The following AP2A2 variants were observed in gnomAD, a reference collection of about 807,000 sequenced individuals.
The protein encoded by AP2A2 is AP-2 complex subunit alpha-2.
AP2A2 carries 32 observed loss-of-function variants against 104.2 expected under a neutral mutation model. The observed-to-expected ratio is 0.31, with a 90% CI of 0.23 to 0.41. The LOEUF (loss-of-function observed/expected upper bound fraction) is 0.41. Ranked by LOEUF, AP2A2 falls within the 10% of genes least tolerant of loss-of-function variation. AP2A2 has a pLI of 1.00. For missense variants in AP2A2, 912 were observed against 1,261.0 expected (o/e 0.72, Z 4.19); for synonymous variants, 539 against 533.3 (o/e 1.01, Z -0.15).
chr11:932,609 G>T (rs1220336767), intron 1 of AP2A2: 1 of 441,292 alleles, frequency 2.3e-6, no homozygotes, highest in African/African-American at 2.0e-5. Context: ...GCATGCTTCT[G>T]CATAATGTGT....
chr11:979,255 A>G (rs1440232830), intron 5 of AP2A2, among the ~76,000 whole-genome samples: 1 of 149,912 alleles, frequency 6.7e-6, no homozygotes, highest in African/African-American at 2.5e-5. Context: ...TCCTGGGGGA[A>G]CACACCGTGA....
chr11:942,168 C>G (rs932294425), intron 1 of AP2A2: 8 of 152,314 alleles, frequency 5.3e-5, no homozygotes, highest in African/African-American at 1.9e-4. Context: ...ACCTCGTGAT[C>G]TGCCCGCCTC....
At chr11:986,019 C>T (rs34128839) in intron 8 of AP2A2, among the ~76,000 whole-genome samples, 1,611 of 152,370 alleles carry the variant, frequency 0.011, 11 homozygotes, top group Non-Finnish European at 0.017. Context: ...GGGTGGCGGT[C>T]GCTCCACACA....
At chr11:927,192 G>A (rs916199823) in intron 1 of AP2A2, among the ~76,000 whole-genome samples, 3 of 152,060 alleles carry the variant, frequency 2.0e-5, no homozygotes, top group African/African-American at 2.4e-5. Flanking sequence ...CGGAGTCACT[G>A]GGACTACAAG....
chr11:965,289 A>ACC (rs1854572343), intron 2 of AP2A2, among the ~76,000 whole-genome samples: 6 of 152,272 alleles, frequency 3.9e-5, no homozygotes, highest in African/African-American at 1.4e-4. Flanking sequence ...GGTGGAAAGA[A>ACC]TGGAATGGGC....
At chr11:965,503 C>T (rs553122601) in intron 2 of AP2A2, among the ~76,000 whole-genome samples, 4 of 152,240 alleles carry the variant, frequency 2.6e-5, no homozygotes, top group African/African-American at 4.8e-5. Context: ...TGATGTGTGG[C>T]CTAAGGTGTG....
At chr11:965,634 T>G (rs1854588584) in intron 2 of AP2A2, among the ~76,000 whole-genome samples, 1 of 152,188 alleles carries the variant, frequency 6.6e-6, no homozygotes, top group Non-Finnish European at 1.5e-5. Context: ...AGCAGAGCCA[T>G]GCACAGCAGG....
intron 1 of AP2A2, among the ~76,000 whole-genome samples, chr11:958,869 T>C (rs1478077709): frequency 1.3e-5 from 2 of 152,288 alleles, no homozygotes; most frequent in East Asian, 3.9e-4. Flanking sequence ...GGAGGCAGGC[T>C]GATTTCAACG....
intron 10 of AP2A2, among the ~76,000 whole-genome samples, chr11:989,085 G>T (rs889814170): frequency 1.3e-5 from 2 of 152,178 alleles, no homozygotes; most frequent in East Asian, 1.9e-4. Flanking sequence ...ACCTTGGGAG[G>T]CCAAGGCGGG....
At position 994,111 on chromosome 11, in the gene AP2A2, G is replaced by C. The variant is rs1289453642; in HGVS notation, c.1822G>C (p.Glu608Gln). 16 of 1,613,096 alleles carry C rather than the reference G, an allele frequency of 9.9e-6. No homozygotes were observed. Among genetic ancestry groups the C allele is most frequent in the Non-Finnish European group, 1.3e-5 (15 of 1,179,856 alleles). Residue 608 changes from glutamate to glutamine, a missense_variant, in exon 14 of 22, where the codon GAG (glutamate) becomes CAG (glutamine). Coordinates refer to ENST00000448903, the MANE Select transcript of AP2A2 (RefSeq NM_012305.4). ...GGAGATGCCCCCATTCCCGGAGCGGGAGTCCTCCATCTTGGCAAAGCTCAA... is the reference window on the plus strand; with the variant it reads ...GGAGATGCCCCCATTCCCGGAGCGGCAGTCCTCCATCTTGGCAAAGCTCAA... ...LEEMPPFPER[E>Q]SSILAKLKKK...
chr11:953,903 C>T (rs542996924), intron 1 of AP2A2, among the ~76,000 whole-genome samples: 3 of 150,910 alleles, frequency 2.0e-5, no homozygotes, highest in South Asian at 4.2e-4. Flanking sequence ...GGCGCGATCT[C>T]GGCTCACTGC....
In AP2A2 at chr11:1,011,217, C is replaced by T. The variant is rs372676880; in HGVS notation, c.*592C>T. On this transcript the variant is annotated 3_prime_UTR_variant, in exon 22 of 22. Coordinates refer to ENST00000448903, the MANE Select transcript of AP2A2 (RefSeq NM_012305.4). Reference sequence around the variant, plus strand: ...TTCTGGCAAAAGCACGTGTCCTGGCCGGATGTAACTGTTCTCCTTTCCCAG... The same window carrying T: ...TTCTGGCAAAAGCACGTGTCCTGGCTGGATGTAACTGTTCTCCTTTCCCAG... 33 of 520,084 alleles carry T rather than the reference C, an allele frequency of 6.3e-5. No individual in the cohort carries two copies. The East Asian group carries it at 8.7e-4, about 14-fold the overall frequency. 32.2% of individuals were successfully genotyped at this position (520,084 alleles called of 1,614,324 possible).
rs1411669939 is a variant in AP2A2, at chr11:968,209, A to G, written c.137-1960A>G. ...ACTTCCGCTGCCCCTCACGGTGCTTATGCAACAGGGGTGGTGTGCCCAGGG... is the reference window on the plus strand; with the variant it reads ...ACTTCCGCTGCCCCTCACGGTGCTTGTGCAACAGGGGTGGTGTGCCCAGGG... On this transcript the variant is annotated intron_variant, in intron 2 of 21. Coordinates refer to ENST00000448903, the MANE Select transcript of AP2A2 (RefSeq NM_012305.4). This position sits in a 1 kb window ranked among gnomAD's most constrained non-coding sequence, Gnocchi z 4.2. Among the ~76,000 whole-genome samples the G allele has an allele frequency of 6.6e-6, 1 of 152,170 alleles. No individual in the cohort carries two copies. Among genetic ancestry groups the G allele is most frequent in the Non-Finnish European group, 1.5e-5 (1 of 68,032 alleles).
At chr11:990,729 C>A (rs1222160492) in intron 10 of AP2A2, among the ~76,000 whole-genome samples, 1 of 125,530 alleles carries the variant, frequency 8.0e-6, no homozygotes, top group African/African-American at 3.1e-5. Context: ...TTCAGCTGGG[C>A]ATGGTGCTCC....
chr11:959,165 TGCGCAGCG>T (rs1348499782), intron 1 of AP2A2, among the ~76,000 whole-genome samples: 1 of 152,228 alleles, frequency 6.6e-6, no homozygotes, highest in Non-Finnish European at 1.5e-5. Flanking sequence ...ACCCCCTGGG[TGCGCAGCG>T]GCTGGCCCGG....
chr11:974,263 C>G (rs1854938101), intron 4 of AP2A2, among the ~76,000 whole-genome samples: 1 of 152,080 alleles, frequency 6.6e-6, no homozygotes. Context: ...CCTGAGTGGT[C>G]CCATGGGGAT....
At chr11:967,656 G>A (rs187437548) in intron 2 of AP2A2, among the ~76,000 whole-genome samples, 2 of 152,054 alleles carry the variant, frequency 1.3e-5, no homozygotes, top group South Asian at 4.2e-4. Context: ...CACCATGCGC[G>A]GCCCTGTTTC....
intron 6 of AP2A2, among the ~76,000 whole-genome samples, chr11:983,674 C>G (rs1371875607): frequency 1.3e-5 from 2 of 152,218 alleles, no homozygotes; most frequent in Non-Finnish European, 2.9e-5. Context: ...GGAGCCACCG[C>G]ACCTGGCCTA....
intron 14 of AP2A2, among the ~76,000 whole-genome samples, chr11:994,781 C>G (rs1590009004): frequency 7.7e-6 from 1 of 130,484 alleles, no homozygotes; most frequent in African/African-American, 3.0e-5. Flanking sequence ...GTCCCTGCTG[C>G]ACACCCTGCT....
Sources: gnomAD v4.1 joint callset for allele counts (sites outside exome capture counted in the v4.1 genomes callset) on GRCh38, gnomAD v4.1.1 for gene constraint, Gnocchi (gnomAD v3.1) non-coding constraint, MANE v1.5 for transcripts, NCBI Gene and HGNC (gene_info 2026-07-23, HGNC 2026-07-21) for gene names.